CFAP95: variants seen among roughly 807,000 people sequenced by gnomAD.
CFAP95 encodes the protein cilia- and flagella-associated protein 95.
chr9:69,856,393 A>G, the CFAP95 span, among the ~76,000 whole-genome samples: 5 of 152,322 alleles, frequency 3.3e-5, no homozygotes, highest in South Asian at 1.0e-3. Flanking sequence ...ATTTTTACAT[A>G]TTTATGATGA....
chr9:69,843,520 T>A, the CFAP95 span, among the ~76,000 whole-genome samples: 4 of 4,658 alleles, frequency 8.6e-4, no homozygotes, highest in African/African-American at 1.5e-3. Flanking sequence ...CTCCTCCTCC[T>A]CCTCCTCCTC....
the CFAP95 span, among the ~76,000 whole-genome samples, chr9:69,822,812 C>A: frequency 6.6e-6 from 1 of 152,154 alleles, no homozygotes; most frequent in Non-Finnish European, 1.5e-5. Flanking sequence ...GAAAATATAG[C>A]GGGACCTCAT....
chr9:69,835,432 C>T, the CFAP95 span, among the ~76,000 whole-genome samples: 2 of 152,188 alleles, frequency 1.3e-5, no homozygotes, highest in African/African-American at 2.4e-5. Context: ...TTTTCTCATT[C>T]AGCAAGTAGA....
chr9:69,847,031 C>T, the CFAP95 span, among the ~76,000 whole-genome samples: 2 of 152,100 alleles, frequency 1.3e-5, no homozygotes, highest in Admixed American at 1.3e-4. Flanking sequence ...TTAGAGGACA[C>T]GGGGTCCAGT....
At chr9:69,826,751 C>CAGAA in the CFAP95 span, among the ~76,000 whole-genome samples, 1 of 152,092 alleles carries the variant, frequency 6.6e-6, no homozygotes. Flanking sequence ...AGTTAGAAGG[C>CAGAA]AGAAAGAAGG....
At chr9:69,870,802 T>C in the CFAP95 span, among the ~76,000 whole-genome samples, 1 of 152,138 alleles carries the variant, frequency 6.6e-6, no homozygotes, top group African/African-American at 2.4e-5. Context: ...AATTCAGATT[T>C]GGGAGGTCAG....
chr9:69,890,800 C>T, the CFAP95 span, among the ~76,000 whole-genome samples: 6 of 152,140 alleles, frequency 3.9e-5, no homozygotes, highest in African/African-American at 1.2e-4. Context: ...TTTCCTTAAT[C>T]CACATTTGTA....
At chr9:69,825,814 T>A in the CFAP95 span, among the ~76,000 whole-genome samples, 1 of 152,214 alleles carries the variant, frequency 6.6e-6, no homozygotes, top group Non-Finnish European at 1.5e-5. Context: ...CAAATTGACA[T>A]CTGGTAACAA....
At chr9:69,859,198 G>A in the CFAP95 span, among the ~76,000 whole-genome samples, 1 of 152,116 alleles carries the variant, frequency 6.6e-6, no homozygotes, top group Non-Finnish European at 1.5e-5. Flanking sequence ...TTGTTTGAAT[G>A]TTGGATTTCT....
chr9:69,887,071 A>G, the CFAP95 span, among the ~76,000 whole-genome samples: 11 of 152,200 alleles, frequency 7.2e-5, no homozygotes, highest in Non-Finnish European at 1.2e-4. Flanking sequence ...GTTATGATTT[A>G]TTTTTGGATG....
the CFAP95 span, among the ~76,000 whole-genome samples, chr9:69,893,043 A>T: frequency 1.3e-5 from 2 of 152,220 alleles, no homozygotes; most frequent in Non-Finnish European, 2.9e-5. Context: ...CAGGATACAG[A>T]GGGCTGTCAC....
At chr9:69,879,566 T>C in the CFAP95 span, among the ~76,000 whole-genome samples, 1 of 151,980 alleles carries the variant, frequency 6.6e-6, no homozygotes, top group Non-Finnish European at 1.5e-5. Context: ...TACGTTCACT[T>C]TGGGACTGGG....
the CFAP95 span, chr9:69,856,448 A>G: frequency 2.9e-5 from 17 of 584,188 alleles, no homozygotes; most frequent in Non-Finnish European, 4.8e-5. Context: ...AATGTCAACT[A>G]GAGTCAACAA....
the CFAP95 span, among the ~76,000 whole-genome samples, chr9:69,835,283 G>A: frequency 6.6e-6 from 1 of 152,090 alleles, no homozygotes; most frequent in Non-Finnish European, 1.5e-5. Context: ...AAACATCTTT[G>A]AAATCTGCAA....
the CFAP95 span, among the ~76,000 whole-genome samples, chr9:69,845,785 C>T: frequency 6.6e-6 from 1 of 152,168 alleles, no homozygotes. Context: ...CACACAGAGT[C>T]TCTTTGGCAT....
chr9:69,858,091 A>G, the CFAP95 span: 4 of 876,012 alleles, frequency 4.6e-6, no homozygotes, highest in Admixed American at 5.7e-5. Flanking sequence ...TGCCCTTTAC[A>G]TGACATCTTC....
At chr9:69,865,226 C>T in the CFAP95 span, among the ~76,000 whole-genome samples, 1 of 152,166 alleles carries the variant, frequency 6.6e-6, no homozygotes, top group South Asian at 2.1e-4. Flanking sequence ...GAGGTCTCCC[C>T]AGCCATGCCG....
chr9:69,880,043 A>C, the CFAP95 span, among the ~76,000 whole-genome samples: 2 of 88,146 alleles, frequency 2.3e-5, no homozygotes, highest in East Asian at 1.2e-3. Context: ...TATTTATAGA[A>C]TACATGAGAT....
At chr9:69,870,196 G>A in the CFAP95 span, among the ~76,000 whole-genome samples, 6 of 152,084 alleles carry the variant, frequency 3.9e-5, no homozygotes, top group Non-Finnish European at 8.8e-5. Context: ...TCTTTCAATA[G>A]AACCATTTAA....
Sources: gnomAD v4.1 joint callset for allele counts (sites outside exome capture counted in the v4.1 genomes callset) on GRCh38, gnomAD v4.1.1 for gene constraint, MANE v1.5 for transcripts, NCBI Gene and HGNC (gene_info 2026-07-23, HGNC 2026-07-21) for gene names.